Variants in NRCAM observed in about 807,000 individuals in gnomAD.
NRCAM encodes the protein neuronal cell adhesion molecule.
NRCAM carries 83 observed loss-of-function variants against 156.5 expected under a neutral mutation model. The observed-to-expected ratio is 0.53, with a 90% CI of 0.44 to 0.64. NRCAM has a LOEUF of 0.64. Ranked by LOEUF, NRCAM falls within the 30% of genes least tolerant of loss-of-function variation. The pLI is 0.00. For missense variants in NRCAM, 1,417 were observed against 1,597.3 expected, an observed-to-expected ratio of 0.89 and a Z score of 1.92; for synonymous variants, 538 against 563.9, an observed-to-expected ratio of 0.95 and a Z score of 0.65.
intron 2 of NRCAM, among the ~76,000 whole-genome samples, chr7:108,356,449 T>C (rs760477105): frequency 2.0e-5 from 3 of 152,194 alleles, no homozygotes; most frequent in Non-Finnish European, 4.4e-5. Context: ...CTAGAGGTCT[T>C]GGAATGTATT....
intron 2 of NRCAM, among the ~76,000 whole-genome samples, chr7:108,385,198 A>G (rs2099736313): frequency 6.6e-6 from 1 of 152,206 alleles, no homozygotes; most frequent in Non-Finnish European, 1.5e-5. Flanking sequence ...TACATTGAAA[A>G]TGTACACATT....
chr7:108,369,698 T>C (rs1377716564), intron 2 of NRCAM, among the ~76,000 whole-genome samples: 1 of 152,172 alleles, frequency 6.6e-6, no homozygotes, highest in Non-Finnish European at 1.5e-5. Context: ...CTTACCTGAA[T>C]GTTTGTTAAA....
chr7:108,284,777 C>T (rs915729363), intron 3 of NRCAM, among the ~76,000 whole-genome samples: 1 of 152,188 alleles, frequency 6.6e-6, no homozygotes, highest in African/African-American at 2.4e-5. Flanking sequence ...TAGAAACCCA[C>T]CCTACTTCAC....
chr7:108,224,737 T>C (rs2093134811), intron 10 of NRCAM, among the ~76,000 whole-genome samples: 1 of 152,194 alleles, frequency 6.6e-6, no homozygotes, highest in African/African-American at 2.4e-5. Context: ...TGCCAGAAGA[T>C]ATATTACTTG....
At chr7:108,395,112 CTTATA>C (rs2099773157) in intron 2 of NRCAM, among the ~76,000 whole-genome samples, 1 of 152,152 alleles carries the variant, frequency 6.6e-6, no homozygotes, top group Non-Finnish European at 1.5e-5. Flanking sequence ...ATGAATTCAG[CTTATA>C]TTATGAGAAA....
chr7:108,177,495 C>T (rs529465430), intron 26 of NRCAM, among the ~76,000 whole-genome samples: 4 of 152,006 alleles, frequency 2.6e-5, no homozygotes, highest in Admixed American at 6.6e-5. Flanking sequence ...TGGTGGTGGG[C>T]GTCTGTAGTC....
intron 2 of NRCAM, among the ~76,000 whole-genome samples, chr7:108,331,059 TA>T (rs1361738853): frequency 6.6e-6 from 1 of 152,178 alleles, no homozygotes; most frequent in Non-Finnish European, 1.5e-5. Context: ...TTTACAGAAA[TA>T]TTTTTTCATT....
chr7:108,292,185 G>C (rs1273750459), intron 3 of NRCAM, among the ~76,000 whole-genome samples: 1 of 152,202 alleles, frequency 6.6e-6, no homozygotes, highest in East Asian at 1.9e-4. Flanking sequence ...TCAGGGCTCT[G>C]GGTGTAAGAA....
intron 2 of NRCAM, among the ~76,000 whole-genome samples, chr7:108,363,881 T>G (rs1443333251): frequency 6.6e-6 from 1 of 151,988 alleles, no homozygotes. Flanking sequence ...AAGGAAAGTC[T>G]GAGAAACTGT....
chr7:108,293,892 C>G (rs553115344), intron 3 of NRCAM, among the ~76,000 whole-genome samples: 1 of 152,162 alleles, frequency 6.6e-6, no homozygotes, highest in Non-Finnish European at 1.5e-5. Flanking sequence ...GCTCTTTCCA[C>G]TATCACACAT....
At position 108,191,295 on chromosome 7, in the gene NRCAM, A is replaced by G. The variant is rs1301893255; in HGVS notation, c.1904-12T>C. ...AGTTGGAGTAGGAGCTAGAAAGGAC[A>G]TTAATATAAAGGATTTTAATCAAAA... On this transcript the variant is annotated splice_polypyrimidine_tract_variant and intron_variant, in intron 18 of 32. Transcript: ENST00000379028. The G allele has an allele frequency of 1.9e-6, 3 of 1,590,060 alleles. No homozygotes were observed. Among genetic ancestry groups the G allele is most frequent in the East Asian group, 2.2e-5 (1 of 44,468 alleles).
chr7:108,415,582 C>T (rs1479987165), intron 1 of NRCAM, among the ~76,000 whole-genome samples: 1 of 152,004 alleles, frequency 6.6e-6, no homozygotes, highest in African/African-American at 2.4e-5. Flanking sequence ...TAATTTCTAC[C>T]CATAAAAAGG....
chr7:108,326,706 T>TAAGTAA (rs2099072810), intron 2 of NRCAM, among the ~76,000 whole-genome samples: 2 of 152,178 alleles, frequency 1.3e-5, no homozygotes, highest in Non-Finnish European at 2.9e-5. Flanking sequence ...ACATGAGACC[T>TAAGTAA]AGGGAAGGTT....
intron 2 of NRCAM, among the ~76,000 whole-genome samples, chr7:108,340,288 C>A (rs1563336173): frequency 6.6e-6 from 1 of 152,290 alleles, no homozygotes; most frequent in South Asian, 2.1e-4. Context: ...GAGGAGAATT[C>A]GGCCCAGCCA....
At chr7:108,316,458 G>A (rs28688031) in intron 2 of NRCAM, among the ~76,000 whole-genome samples, 255 of 152,198 alleles carry the variant, frequency 1.7e-3, no homozygotes, top group African/African-American at 5.7e-3. Context: ...ATACTTCATG[G>A]TTTCATAAAA....
chr7:108,256,178 T>C (rs929083813), intron 3 of NRCAM, among the ~76,000 whole-genome samples: 3 of 151,738 alleles, frequency 2.0e-5, no homozygotes, highest in African/African-American at 4.9e-5. Flanking sequence ...TTTTGTTGAA[T>C]AGAAAAGGGG....
At chr7:108,337,299 G>A (rs2099207385) in intron 2 of NRCAM, among the ~76,000 whole-genome samples, 1 of 151,478 alleles carries the variant, frequency 6.6e-6, no homozygotes, top group Non-Finnish European at 1.5e-5. Flanking sequence ...ACCCTCTTTG[G>A]GTCCCCTCCC....
intron 2 of NRCAM, among the ~76,000 whole-genome samples, chr7:108,392,206 T>C (rs1291468764): frequency 6.6e-6 from 1 of 152,242 alleles, no homozygotes; most frequent in African/African-American, 2.4e-5. Flanking sequence ...CACTTTCAGG[T>C]ATACCAATCA....
chr7:108,357,201 A>C (rs2099510101), intron 2 of NRCAM, among the ~76,000 whole-genome samples: 1 of 152,236 alleles, frequency 6.6e-6, no homozygotes, highest in Non-Finnish European at 1.5e-5. Context: ...CAACATTGTA[A>C]GCATAAAGTA....
Sources: allele counts gnomAD v4.1 joint callset (sites outside exome capture counted in the v4.1 genomes callset), GRCh38; gene constraint gnomAD v4.1.1; transcripts MANE v1.5; gene names NCBI Gene and HGNC (gene_info 2026-07-23, HGNC 2026-07-21).